DPYD: variants seen among roughly 807,000 people sequenced by gnomAD.
DPYD encodes dihydropyrimidine dehydrogenase [NADP(+)].
A neutral mutation model predicts 116.2 loss-of-function variants in DPYD; 109 were observed. The observed-to-expected ratio is 0.94, with a 90% CI of 0.80 to 1.10. The LOEUF (loss-of-function observed/expected upper bound fraction) is 1.10. Ranked by LOEUF, DPYD falls within the 50% of genes least tolerant of loss-of-function variation. The pLI is 0.00. For synonymous variants in DPYD, 440 were observed against 432.0 expected (o/e 1.02, Z -0.23); for missense variants, 1,302 against 1,254.5 (o/e 1.04, Z -0.57).
chr1:97,916,768 T>C lies in DPYD; in HGVS notation c.39+4116A>G, dbSNP rs141607149. ...TTCTTTAAACTGCCCACAACTTTGG[T>C]GGGCCAAGCTGAAAGGTTCGCTTGA... On this transcript the variant is annotated intron_variant, in intron 1 of 22. Coordinates refer to ENST00000370192, the MANE Select transcript of DPYD (RefSeq NM_000110.4). Among the ~76,000 whole-genome samples, 935 of 152,238 alleles carry C rather than the reference T, an allele frequency of 6.1e-3. 8 individuals carry two copies. The highest frequency in any genetic ancestry group is 0.021 in the African/African-American group (884 of 41,532).
At chr1:97,138,712 T>A (rs1467409555) in intron 20 of DPYD, among the ~76,000 whole-genome samples, 1 of 152,172 alleles carries the variant, frequency 6.6e-6, no homozygotes, top group Non-Finnish European at 1.5e-5. Context: ...TATGAACTAA[T>A]AAGAGAGAAG....
chr1:97,885,823 T>G (rs1672458808), intron 1 of DPYD, among the ~76,000 whole-genome samples: 1 of 152,104 alleles, frequency 6.6e-6, no homozygotes, highest in African/African-American at 2.4e-5. Flanking sequence ...TATTTAAAAG[T>G]CACTTTTTGA....
chr1:97,893,515 T>A (rs974373783), intron 1 of DPYD, among the ~76,000 whole-genome samples: 6 of 145,466 alleles, frequency 4.1e-5, no homozygotes, highest in Middle Eastern at 7.2e-3. Flanking sequence ...CTCATGGGTC[T>A]TTGGTCCCAA....
At chr1:97,291,027 G>A (rs1213689847) in intron 18 of DPYD, among the ~76,000 whole-genome samples, 1 of 152,074 alleles carries the variant, frequency 6.6e-6, no homozygotes, top group African/African-American at 2.4e-5. Flanking sequence ...GTGGGCGAAG[G>A]ACATGAACAG....
At chr1:97,237,926 T>G (rs1168184183) in intron 18 of DPYD, among the ~76,000 whole-genome samples, 1 of 152,134 alleles carries the variant, frequency 6.6e-6, no homozygotes, top group African/African-American at 2.4e-5. Flanking sequence ...TAGAAGACTA[T>G]CATTAACAGT....
chr1:97,646,437 C>T (rs558664255), intron 8 of DPYD, among the ~76,000 whole-genome samples: 26 of 151,684 alleles, frequency 1.7e-4, no homozygotes, highest in South Asian at 4.1e-4. Context: ...GTTGTTTGAA[C>T]GCACATCTTC....
intron 1 of DPYD, among the ~76,000 whole-genome samples, chr1:97,886,875 T>A (rs1197698761): frequency 6.6e-6 from 1 of 151,818 alleles, no homozygotes; most frequent in African/African-American, 2.4e-5. Context: ...CTCCTGGAGT[T>A]ACAAAAAACC....
chr1:97,528,054 G>C (rs751579540), intron 12 of DPYD, among the ~76,000 whole-genome samples: 18 of 152,246 alleles, frequency 1.2e-4, no homozygotes, highest in South Asian at 2.1e-4. Flanking sequence ...TTGCATAGCT[G>C]CTTGTGGCTA....
intron 16 of DPYD, among the ~76,000 whole-genome samples, chr1:97,357,178 T>C (rs1305226356): frequency 6.6e-6 from 1 of 152,228 alleles, no homozygotes; most frequent in Admixed American, 6.5e-5. Context: ...TTTTGTATCT[T>C]TTTCAATTGC....
rs1052781258 is a variant in DPYD, at chr1:97,078,150, T to C, written c.*826A>G. ...CATACTTTGAGCTTTGTTCAAACAT[T>C]AGTTGCTATAATCATGAAGGTGACT... On this transcript the variant is annotated 3_prime_UTR_variant, in exon 23 of 23. Transcript: ENST00000370192. The C allele has an allele frequency of 5.3e-5, 8 of 152,174 alleles. No individual in the cohort carries two copies. Among genetic ancestry groups the C allele is most frequent in the African/African-American group, 1.9e-4 (8 of 41,446 alleles). 9.4% of individuals were successfully genotyped at this position (152,174 alleles called of 1,614,324 possible). A position where few individuals can be genotyped will look rare whatever the true frequency, so the allele number is the denominator to read the frequency against.
At chr1:97,490,239 C>T (rs946123818) in intron 13 of DPYD, among the ~76,000 whole-genome samples, 7 of 151,232 alleles carry the variant, frequency 4.6e-5, no homozygotes, top group South Asian at 4.2e-4. Flanking sequence ...TCTGCTATAC[C>T]GCTTACTAAC....
rs566827516 is a variant in DPYD at position 97,810,563 on chromosome 1, C to T, written c.233+17551G>A. Among the ~76,000 whole-genome samples, 52 of 152,156 alleles carry T rather than the reference C, an allele frequency of 3.4e-4. No individual in the cohort carries two copies. The South Asian group carries it at 4.8e-3, about 14-fold the overall frequency. The stretch of plus-strand genomic sequence containing the variant: ...CACCAGAGACCTGACTGTTAATTCT[C>T]TTCTCCCATCCTTCACATTTTACAT... On this transcript the variant is annotated intron_variant, in intron 3 of 22. Coordinates refer to ENST00000370192, the MANE Select transcript of DPYD (RefSeq NM_000110.4).
chr1:97,759,452 C>T lies in DPYD; in HGVS notation c.234-18973G>A, dbSNP rs1665454052. Among the ~76,000 whole-genome samples the T allele has an allele frequency of 2.0e-5, 3 of 152,236 alleles. No individual in the cohort carries two copies. The South Asian group carries it at 6.2e-4, about 32-fold the overall frequency. ...AATTTATCCATATGGCTGCTTCTGA[C>T]CTCACAACCATCTTTGATATTTCTT... On this transcript the variant is annotated intron_variant, in intron 3 of 22. Coordinates refer to ENST00000370192, the MANE Select transcript of DPYD (RefSeq NM_000110.4).
intron 16 of DPYD, among the ~76,000 whole-genome samples, chr1:97,310,609 T>C (rs1667452481): frequency 6.6e-6 from 1 of 151,814 alleles, no homozygotes; most frequent in Non-Finnish European, 1.5e-5. Flanking sequence ...TTAACTATTT[T>C]TTAGCATGTG....
chr1:97,898,214 G>A (rs929168840), intron 1 of DPYD, among the ~76,000 whole-genome samples: 6 of 150,782 alleles, frequency 4.0e-5, no homozygotes, highest in African/African-American at 7.3e-5. Context: ...TGTTCTTTAC[G>A]CAGCCATGGG....
chr1:97,148,828 T>A (rs927830345), intron 20 of DPYD, among the ~76,000 whole-genome samples: 3 of 152,216 alleles, frequency 2.0e-5, no homozygotes, highest in Non-Finnish European at 4.4e-5. Context: ...TTACAGTTCA[T>A]TGTTTGTATC....
At chr1:97,535,871 T>C (rs955848774) in intron 12 of DPYD, among the ~76,000 whole-genome samples, 2 of 152,176 alleles carry the variant, frequency 1.3e-5, no homozygotes, top group East Asian at 1.9e-4. Context: ...AGGAATATAA[T>C]TGTTAATAGA....
chr1:97,859,049 T>C (rs1268301183), intron 2 of DPYD, among the ~76,000 whole-genome samples: 1 of 152,184 alleles, frequency 6.6e-6, no homozygotes, highest in African/African-American at 2.4e-5. Flanking sequence ...TAATTTTTGA[T>C]AATTTCCCTC....
chr1:97,676,999 C>T (rs1660176886), intron 8 of DPYD, among the ~76,000 whole-genome samples: 1 of 152,162 alleles, frequency 6.6e-6, no homozygotes, highest in Non-Finnish European at 1.5e-5. Flanking sequence ...CACCTCAGTG[C>T]AGAGTCAAAT....
Sources: gnomAD v4.1 joint callset for allele counts (sites outside exome capture counted in the v4.1 genomes callset) on GRCh38, gnomAD v4.1.1 for gene constraint, MANE v1.5 for transcripts, NCBI Gene and HGNC (gene_info 2026-07-23, HGNC 2026-07-21) for gene names.